The following C6 variants were observed in gnomAD, a reference collection of about 807,000 sequenced individuals.
C6 encodes complement C6, also known as complement component C6.
Under a neutral mutation model 112.9 loss-of-function variants are expected in C6, and 101 were observed. That is an observed-to-expected ratio of 0.89 (90% confidence interval 0.76 to 1.06). The LOEUF (loss-of-function observed/expected upper bound fraction) is 1.06, where lower values mean the gene tolerates loss of function less well. C6 is among the 50% of genes least tolerant of loss of function. The pLI is 0.00. For missense variants in C6, 1,202 were observed against 1,104.6 expected (o/e 1.09, Z -1.25); for synonymous variants, 431 against 384.1 (o/e 1.12, Z -1.43).
intron 9 of C6, among the ~76,000 whole-genome samples, chr5:41,168,061 C>A (rs567848741): frequency 6.6e-6 from 1 of 152,230 alleles, no homozygotes; most frequent in East Asian, 1.9e-4. Context: ...GTTCAGTTTA[C>A]ACAATCATAA....
intron 5 of C6, among the ~76,000 whole-genome samples, chr5:41,193,322 T>C (rs1750361595): frequency 6.6e-6 from 1 of 152,194 alleles, no homozygotes. Flanking sequence ...AGAAATCTTT[T>C]AGGAGTTAAG....
chr5:41,163,088 C>T (rs1747672147), intron 9 of C6, among the ~76,000 whole-genome samples: 1 of 151,484 alleles, frequency 6.6e-6, no homozygotes, highest in Non-Finnish European at 1.5e-5. Context: ...CTTACTCTCA[C>T]AAGTGAGCAA....
intron 4 of C6, among the ~76,000 whole-genome samples, chr5:41,197,769 A>C (rs1034856429): frequency 6.6e-6 from 1 of 152,146 alleles, no homozygotes; most frequent in Non-Finnish European, 1.5e-5. Flanking sequence ...CATGGGTGAG[A>C]ATGGTTCCAG....
At chr5:41,150,484 A>G (rs1165214789) in intron 15 of C6, among the ~76,000 whole-genome samples, 1 of 152,314 alleles carries the variant, frequency 6.6e-6, no homozygotes, top group East Asian at 1.9e-4. Context: ...AGGGCTATCA[A>G]AGAGAAGCAT....
chr5:41,161,846 C>A lies in C6; in HGVS notation c.1305G>T (p.Gln435His). The part of the protein sequence containing the change: ...LSEKHEGSFI[Q>H]GAEKSISLIR... ...TCAGGGATATGGATTTCTCTGCTCCCTGTATAAATGAACCTGCAAGGTGTT... is the reference window on the plus strand; with the variant it reads ...TCAGGGATATGGATTTCTCTGCTCCATGTATAAATGAACCTGCAAGGTGTT... Residue 435 changes from glutamine to histidine, a missense_variant, in exon 10 of 18, where the codon CAG becomes CAT. By Grantham distance (24) the Gln-to-His change is conservative (BLOSUM62 0). Transcript: ENST00000337836. 1 of 1,613,462 alleles carries A rather than the reference C, an allele frequency of 6.2e-7. No homozygotes were observed. Among genetic ancestry groups the A allele is most frequent in the Non-Finnish European group, 8.5e-7 (1 of 1,179,588 alleles).
At chr5:41,156,445 A>G (rs1746920506) in intron 13 of C6, among the ~76,000 whole-genome samples, 1 of 152,196 alleles carries the variant, frequency 6.6e-6, no homozygotes, top group Non-Finnish European at 1.5e-5. Context: ...TCTCTGTCTC[A>G]TAAATCTTTA....
chr5:41,228,847 G>A (rs1739694851), intron 1 of C6, among the ~76,000 whole-genome samples: 2 of 152,086 alleles, frequency 1.3e-5, no homozygotes, highest in African/African-American at 4.8e-5. Context: ...ACATACTGTT[G>A]AATTCAGTTT....
intron 1 of C6, among the ~76,000 whole-genome samples, chr5:41,204,911 A>G (rs187166432): frequency 1.2e-3 from 181 of 152,076 alleles, no homozygotes; most frequent in Admixed American, 4.1e-3. Flanking sequence ...CCTCGTGATC[A>G]GCCCACCTCG....
chr5:41,164,173 C>T (rs374900627), intron 9 of C6, among the ~76,000 whole-genome samples: 14 of 151,916 alleles, frequency 9.2e-5, no homozygotes, highest in African/African-American at 3.1e-4. Context: ...ATTAAAAAGA[C>T]CAATAAAATA....
At chr5:41,202,901 G>A (rs916358284) in intron 2 of C6, among the ~76,000 whole-genome samples, 187 bp downstream of exon 2, 6 of 152,258 alleles carry the variant, frequency 3.9e-5, no homozygotes, top group South Asian at 2.1e-4. Flanking sequence ...CCTCGTTCTT[G>A]TAGAAAGAAC....
At position 41,149,290 on chromosome 5, in the gene C6, C is replaced by G. The variant is rs1392625135; in HGVS notation, c.2574G>C (p.Lys858Asn). Reference sequence around the variant, plus strand: ...AGGTGTCATAGCCACAGGATTCTTTCTTTGTGCTGTTGGATGAAAGTCTTG... The same window carrying G: ...AGGTGTCATAGCCACAGGATTCTTTGTTTGTGCTGTTGGATGAAAGTCTTG... ...ERTRLSSNST[K>N]KESCGYDTCY... Residue 858 changes from lysine to asparagine, a missense_variant, in exon 17 of 18, where the codon AAG becomes AAC. By Grantham distance (94) the Lys-to-Asn change is moderately conservative. Coordinates refer to ENST00000337836, the MANE Select transcript of C6 (RefSeq NM_000065.5). 1.2e-6 allele frequency: 2 copies of G among 1,614,068 alleles called. No homozygotes were observed. Among genetic ancestry groups the G allele is most frequent in the Non-Finnish European group, 1.7e-6 (2 of 1,179,962 alleles).
intron 6 of C6, among the ~76,000 whole-genome samples, chr5:41,185,337 A>C (rs1243338300): frequency 6.6e-6 from 1 of 152,226 alleles, no homozygotes; most frequent in African/African-American, 2.4e-5. Context: ...TGCTGAACTC[A>C]TATTACCCAT....
upstream of C6, chr5:41,261,466 G>T (rs1036748127): frequency 6.6e-6 from 1 of 152,360 alleles, no homozygotes; most frequent in Non-Finnish European, 1.5e-5. Flanking sequence ...TGCTAAACCG[G>T]ATTGAGAATC....
chr5:41,167,454 TG>T (rs1261072650), intron 9 of C6, among the ~76,000 whole-genome samples: 2 of 152,124 alleles, frequency 1.3e-5, no homozygotes, highest in African/African-American at 4.8e-5. Flanking sequence ...ATTGGACATG[TG>T]GTAACTAAAA....
intron 9 of C6, among the ~76,000 whole-genome samples, chr5:41,169,614 G>A (rs1748263062): frequency 6.6e-6 from 1 of 152,088 alleles, no homozygotes; most frequent in Non-Finnish European, 1.5e-5. Flanking sequence ...GCCTGGCAGG[G>A]GAGGCCTCGG....
intron 1 of C6, among the ~76,000 whole-genome samples, chr5:41,211,163 C>T (rs984491838): frequency 6.6e-6 from 1 of 151,996 alleles, no homozygotes; most frequent in Non-Finnish European, 1.5e-5. Context: ...TGAATGTTCT[C>T]ACTTATAGGT....
intron 1 of C6, among the ~76,000 whole-genome samples, chr5:41,240,924 G>A (rs529025530): frequency 1.0e-3 from 154 of 152,256 alleles, no homozygotes; most frequent in South Asian, 2.3e-3. Flanking sequence ...TTGCGTGCTC[G>A]GATGACCGGC....
At chr5:41,190,358 T>C (rs1382593485) in intron 5 of C6, among the ~76,000 whole-genome samples, 2 of 152,174 alleles carry the variant, frequency 1.3e-5, no homozygotes, top group Admixed American at 6.5e-5. Flanking sequence ...TTCCCGATGA[T>C]TAGTGATGTT....
rs565689576 is a variant in C6, at chr5:41,241,832, G to T, written c.-21+19362C>A. 2.0e-5 allele frequency among the ~76,000 whole-genome samples: 3 copies of T among 152,154 alleles called. No homozygotes were observed. The South Asian group carries it at 6.2e-4, about 32-fold the overall frequency. On this transcript the variant is annotated intron_variant, in intron 1 of 17. Transcript: ENST00000263413. ...ATTGTTTGAGGATGCTTAGTACTTA[G>T]GTAGGACAGAACATTCACAATAGCA...
Sources: gnomAD v4.1 joint callset for allele counts (sites outside exome capture counted in the v4.1 genomes callset) on GRCh38, gnomAD v4.1.1 for gene constraint, MANE v1.5 for transcripts, NCBI Gene and HGNC (gene_info 2026-07-23, HGNC 2026-07-21) for gene names.